Variants in CDH1 observed in about 807,000 individuals in gnomAD.
CDH1 encodes cadherin 1.
CDH1 carries 35 observed loss-of-function variants against 84.5 expected under a neutral mutation model. The ratio of observed to expected loss-of-function variants is 0.41; its 90% CI spans 0.32 to 0.55. The LOEUF (loss-of-function observed/expected upper bound fraction) is 0.55. Among genes scored for constraint, CDH1 ranks in the 20% least tolerant of loss-of-function variants. The pLI is 0.19. For synonymous variants in CDH1, 417 were observed against 439.0 expected (o/e 0.95, Z 0.63); for missense variants, 994 against 1,126.6 (o/e 0.88, Z 1.68).
At chr16:68,776,041 A>G (rs897631716) in intron 2 of CDH1, among the ~76,000 whole-genome samples, 5 of 152,098 alleles carry the variant, frequency 3.3e-5, no homozygotes, top group South Asian at 2.1e-4. Flanking sequence ...CAGTGGTGCA[A>G]TCTTGGCTTA....
chr16:68,738,142 G>C (rs1334954926), intron 1 of CDH1, among the ~76,000 whole-genome samples, 155 bp from the exon 2 acceptor site: 1 of 152,154 alleles, frequency 6.6e-6, no homozygotes, highest in Non-Finnish European at 1.5e-5. Flanking sequence ...GGGTGGGGGA[G>C]GGTGACGTCG....
chr16:68,772,176 C>G (rs1462300243), intron 2 of CDH1, among the ~76,000 whole-genome samples: 1 of 152,184 alleles, frequency 6.6e-6, no homozygotes, highest in Non-Finnish European at 1.5e-5. Context: ...CAAAATTGGC[C>G]CCGTGTTGCC....
At chr16:68,813,720 A>C (rs1290887671) in intron 9 of CDH1, among the ~76,000 whole-genome samples, 1 of 150,952 alleles carries the variant, frequency 6.6e-6, no homozygotes, top group African/African-American at 2.4e-5. Flanking sequence ...CCCAGCACTT[A>C]GGGACGCTGA....
intron 2 of CDH1, among the ~76,000 whole-genome samples, chr16:68,797,519 C>T (rs1264780262): frequency 6.6e-6 from 1 of 152,004 alleles, no homozygotes; most frequent in African/African-American, 2.4e-5. Context: ...CCCATCTCTA[C>T]AATAAATAAA....
intron 2 of CDH1, among the ~76,000 whole-genome samples, chr16:68,792,471 C>T (rs1960234051): frequency 6.6e-6 from 1 of 152,150 alleles, no homozygotes; most frequent in Non-Finnish European, 1.5e-5. Flanking sequence ...CTCAAGTGTT[C>T]CACCCACCTC....
At chr16:68,757,169 A>G (rs1963037170) in intron 2 of CDH1, among the ~76,000 whole-genome samples, 1 of 151,844 alleles carries the variant, frequency 6.6e-6, no homozygotes, top group African/African-American at 2.4e-5. Flanking sequence ...GCTCACTGCA[A>G]CCTCCACCTC....
Position 68,800,620 on chromosome 16 carries a change from G to T in CDH1, c.164-1050G>T, listed in dbSNP as rs183882307. On this transcript the variant is annotated intron_variant, in intron 2 of 15. Transcript: ENST00000261769. Reference sequence around the variant, plus strand: ...ATTCCATCGGACAATTATTTGAAAGGGAGGAAAACAGGCCAAGCTGAGAGT... The same window carrying T: ...ATTCCATCGGACAATTATTTGAAAGTGAGGAAAACAGGCCAAGCTGAGAGT... 1.6e-4 allele frequency among the ~76,000 whole-genome samples: 25 copies of T among 152,232 alleles called. No individual in the cohort carries two copies. In the South Asian group the frequency reaches 3.5e-3, roughly 22 times the overall value.
intron 13 of CDH1, among the ~76,000 whole-genome samples, chr16:68,826,163 T>A (rs995497362): frequency 7.9e-5 from 12 of 152,000 alleles, no homozygotes; most frequent in African/African-American, 2.2e-4. Flanking sequence ...TATTTTTTTT[T>A]TAAATAGGAT....
chr16:68,802,353 G>A (rs143212400), intron 3 of CDH1, among the ~76,000 whole-genome samples: 109 of 152,298 alleles, frequency 7.2e-4, no homozygotes, highest in African/African-American at 2.6e-3. Context: ...ATAACAGTGA[G>A]GATGGAATTA....
intron 2 of CDH1, among the ~76,000 whole-genome samples, chr16:68,792,572 C>T (rs1960237157): frequency 6.6e-6 from 1 of 152,178 alleles, no homozygotes; most frequent in South Asian, 2.1e-4. Flanking sequence ...ACCCTTCCCC[C>T]CGGGCTGGTT....
At chr16:68,815,838 C>A (rs2152135246) in intron 10 of CDH1, 79 bp downstream of exon 10, 2 of 1,496,324 alleles carry the variant, frequency 1.3e-6, no homozygotes, top group African/African-American at 1.4e-5. Flanking sequence ...ATAATATGTA[C>A]TTCATGGCAT....
intron 3 of CDH1, among the ~76,000 whole-genome samples, chr16:68,802,594 C>T (rs551019893): frequency 1.3e-5 from 2 of 152,182 alleles, no homozygotes; most frequent in South Asian, 4.1e-4. Context: ...CCTCCACCTC[C>T]TGAGTAGCTG....
intron 2 of CDH1, chr16:68,763,671 T>G (rs960743787): frequency 6.6e-6 from 1 of 152,240 alleles, no homozygotes; most frequent in Non-Finnish European, 1.5e-5. Flanking sequence ...GTTACCGTTG[T>G]CAGCTCCAGG....
chr16:68,743,452 G>A (rs527470796), intron 2 of CDH1, among the ~76,000 whole-genome samples: 11 of 151,614 alleles, frequency 7.3e-5, no homozygotes, highest in African/African-American at 2.4e-4. Flanking sequence ...TGCAACCCCC[G>A]CCTGCCATGT....
At chr16:68,773,362 T>C (rs1959638183) in intron 2 of CDH1, among the ~76,000 whole-genome samples, 1 of 150,266 alleles carries the variant, frequency 6.7e-6, no homozygotes. Flanking sequence ...AGTGGCACAA[T>C]CTTGGCTCAC....
At chr16:68,767,536 C>T (rs1314375964) in intron 2 of CDH1, among the ~76,000 whole-genome samples, 1 of 152,176 alleles carries the variant, frequency 6.6e-6, no homozygotes, top group Non-Finnish European at 1.5e-5. Context: ...GTTGGGATTC[C>T]CCAGAGATGG....
At chr16:68,759,894 C>T (rs561697214) in intron 2 of CDH1, among the ~76,000 whole-genome samples, 7 of 152,152 alleles carry the variant, frequency 4.6e-5, no homozygotes, top group African/African-American at 1.7e-4. Flanking sequence ...CCTTCCTGTG[C>T]TCAGCGGCTC....
chr16:68,784,588 C>A (rs576663776), intron 2 of CDH1, among the ~76,000 whole-genome samples: 33 of 152,034 alleles, frequency 2.2e-4, no homozygotes, highest in African/African-American at 7.7e-4. Context: ...TTTGGTGCAC[C>A]CATGATTGGA....
chr16:68,761,316 G>T (rs528612808), intron 2 of CDH1, among the ~76,000 whole-genome samples: 1 of 152,144 alleles, frequency 6.6e-6, no homozygotes, highest in Non-Finnish European at 1.5e-5. Context: ...GGGCAGCCCC[G>T]CTGGGCTATC....
Sources: allele counts gnomAD v4.1 joint callset (sites outside exome capture counted in the v4.1 genomes callset), GRCh38; gene constraint gnomAD v4.1.1; transcripts MANE v1.5; gene names NCBI Gene and HGNC (gene_info 2026-07-23, HGNC 2026-07-21).